Variants in STX11 observed in about 807,000 individuals in gnomAD.
STX11 encodes syntaxin 11, also known as syntaxin-11.
In STX11, 21 loss-of-function variants were observed where a neutral mutation model predicts 19.9. The observed-to-expected ratio is 1.06, with a 90% CI of 0.75 to 1.52. The LOEUF (loss-of-function observed/expected upper bound fraction) is 1.52, where lower values mean the gene tolerates loss of function less well. Ranked by LOEUF, STX11 falls within the 40% of genes most tolerant of loss-of-function variation. The pLI is 0.00. For synonymous variants in STX11, 193 were observed against 174.4 expected, an observed-to-expected ratio of 1.11 and a Z score of -0.84; for missense variants, 438 against 405.9, an observed-to-expected ratio of 1.08 and a Z score of -0.68.
chr6:144,160,018 T>G lies in STX11; in HGVS notation c.-6+9315T>G, dbSNP rs1410416256. Among the ~76,000 whole-genome samples, 1 of 152,110 alleles carries G rather than the reference T, an allele frequency of 6.6e-6. No individual in the cohort carries two copies. Among genetic ancestry groups the G allele is most frequent in the Non-Finnish European group, 1.5e-5 (1 of 68,006 alleles). ...CCAGTTCTTGTTTTTTAAAAAAATATTATGATTTTTGAGAGACTCTGTCGC... is the reference window on the plus strand; with the variant it reads ...CCAGTTCTTGTTTTTTAAAAAAATAGTATGATTTTTGAGAGACTCTGTCGC... On this transcript the variant is annotated intron_variant, in intron 1 of 1. Coordinates refer to ENST00000367568, the MANE Select transcript of STX11 (RefSeq NM_003764.4). The surrounding 1 kb of genome is among the most constrained non-coding windows in gnomAD (Gnocchi z 4.3).
rs536784050 is a variant in STX11, at chr6:144,159,781, G to A, written c.-6+9078G>A. Among the ~76,000 whole-genome samples the A allele has an allele frequency of 2.0e-5, 3 of 152,130 alleles. No homozygotes were observed. The highest frequency in any genetic ancestry group is 1.9e-4 in the East Asian group (1 of 5,188). On this transcript the variant is annotated intron_variant, in intron 1 of 1. Coordinates refer to ENST00000367568, the MANE Select transcript of STX11 (RefSeq NM_003764.4). This position sits in a 1 kb window ranked among gnomAD's most constrained non-coding sequence, Gnocchi z 4.3. ...TTAATCTCAAGGATCTGATTACTACGGCCTAGGAGGGTGCTTGACAGATTT... is the reference window on the plus strand; with the variant it reads ...TTAATCTCAAGGATCTGATTACTACAGCCTAGGAGGGTGCTTGACAGATTT...
chr6:144,151,495 C>T lies in STX11; in HGVS notation c.-6+792C>T. On this transcript the variant is annotated intron_variant, in intron 1 of 1. Coordinates refer to ENST00000367568, the MANE Select transcript of STX11 (RefSeq NM_003764.4). The surrounding 1 kb of genome is among the most constrained non-coding windows in gnomAD (Gnocchi z 4.6). The stretch of plus-strand genomic sequence containing the variant: ...AAGCGAGGCTTGCTTTAAAATGAGA[C>T]TCTAGATGTGAAATGCCTGCCCTGC... The T allele has an allele frequency of 1.1e-6, 1 of 939,702 alleles. No individual in the cohort carries two copies. The highest frequency in any genetic ancestry group is 1.3e-6 in the Non-Finnish European group (1 of 788,262). 58.2% of individuals were successfully genotyped at this position (939,702 alleles called of 1,614,324 possible).
Position 144,167,290 on chromosome 6 carries a change from G to A in STX11, c.-6+16587G>A, listed in dbSNP as rs1228117798. 1.4e-4 allele frequency among the ~76,000 whole-genome samples: 22 copies of A among 152,068 alleles called. No homozygotes were observed. The highest frequency in any genetic ancestry group is 3.2e-4 in the Non-Finnish European group (22 of 68,006). On this transcript the variant is annotated intron_variant, in intron 1 of 1. Coordinates refer to ENST00000367568, the MANE Select transcript of STX11 (RefSeq NM_003764.4). The surrounding 1 kb of genome is among the most constrained non-coding windows in gnomAD (Gnocchi z 5.0). ...GAGTATTTCTTATCTGAAATGCTTG[G>A]TACTAGAAGTGTTTTGGATTTCAGA...
Position 144,169,668 on chromosome 6 carries a change from CCTT to C in STX11, c.-5-16953_-5-16951del, listed in dbSNP as rs1801576585. Among the ~76,000 whole-genome samples, 1 of 139,722 alleles carries C rather than the reference CCTT, an allele frequency of 7.2e-6. No individual in the cohort carries two copies. Among genetic ancestry groups the C allele is most frequent in the East Asian group, 2.5e-4 (1 of 4,058 alleles). 91.7% of individuals were successfully genotyped at this position (139,722 alleles called of 152,430 possible). A position where few individuals can be genotyped will look rare whatever the true frequency, so the allele number is the denominator to read the frequency against. Reference sequence around the variant, plus strand: ...TTTCTTTTCCCTCCCTCCCTCCCTTCCTTCCTTCCTTCCTTCCTTCTTTCTTTC... The same window carrying C: ...TTTCTTTTCCCTCCCTCCCTCCCTTCCCTTCCTTCCTTCCTTCTTTCTTTC... On this transcript the variant is annotated intron_variant, in intron 1 of 1. Coordinates refer to ENST00000367568, the MANE Select transcript of STX11 (RefSeq NM_003764.4). This position sits in a 1 kb window ranked among gnomAD's most constrained non-coding sequence, Gnocchi z 5.2.
At chr6:144,161,884 C>G (rs1295722203) in intron 1 of STX11, among the ~76,000 whole-genome samples, 21 of 152,168 alleles carry the variant, frequency 1.4e-4, no homozygotes, top group Non-Finnish European at 2.9e-5. Context: ...TATCTTTACT[C>G]TGTTATTTTT....
chr6:144,191,196 C>G lies in STX11; in HGVS notation c.*3705C>G, dbSNP rs539160664. On this transcript the variant is annotated 3_prime_UTR_variant, in exon 2 of 2. Coordinates refer to ENST00000367568, the MANE Select transcript of STX11 (RefSeq NM_003764.4). ...GCCAAATATCAAATTTTACAACTAC[C>G]ACCAAGCCACAGATTATAGGTGGTA... 1.1e-4 allele frequency among the ~76,000 whole-genome samples: 17 copies of G among 149,512 alleles called. No homozygotes were observed. The South Asian group carries it at 1.3e-3, about 12-fold the overall frequency.
chr6:144,155,679 G>A lies in STX11; in HGVS notation c.-6+4976G>A, dbSNP rs1801117388. ...AGAGAAGAGAATAGCTAGAGTTGGGGGCTCTGTTAAGCCACCTCTAAGGCT... is the reference window on the plus strand; with the variant it reads ...AGAGAAGAGAATAGCTAGAGTTGGGAGCTCTGTTAAGCCACCTCTAAGGCT... On this transcript the variant is annotated intron_variant, in intron 1 of 1. Coordinates refer to ENST00000367568, the MANE Select transcript of STX11 (RefSeq NM_003764.4). The surrounding 1 kb of genome is among the most constrained non-coding windows in gnomAD (Gnocchi z 4.5). Among the ~76,000 whole-genome samples the A allele has an allele frequency of 6.6e-6, 1 of 152,086 alleles. No individual in the cohort carries two copies. The highest frequency in any genetic ancestry group is 2.4e-5 in the African/African-American group (1 of 41,394).
chr6:144,143,203 T>G, the STX11 span, among the ~76,000 whole-genome samples: 2 of 152,210 alleles, frequency 1.3e-5, no homozygotes, highest in African/African-American at 4.8e-5. Context: ...TACAGTCTGG[T>G]TTCTCCATAA....
rs1801381745 is a variant in STX11 at position 144,163,000 on chromosome 6, G to T, written c.-6+12297G>T. Among the ~76,000 whole-genome samples the T allele has an allele frequency of 6.6e-6, 1 of 152,150 alleles. No individual in the cohort carries two copies. On this transcript the variant is annotated intron_variant, in intron 1 of 1. Transcript: ENST00000367568. The surrounding 1 kb of genome is among the most constrained non-coding windows in gnomAD (Gnocchi z 4.6). ...CTAGGAGTCCCATACAGGCTTATTCGATTCTGCATCCTTATTTAAACACTA... is the reference window on the plus strand; with the variant it reads ...CTAGGAGTCCCATACAGGCTTATTCTATTCTGCATCCTTATTTAAACACTA...
upstream of STX11, chr6:144,150,469 C>G (rs1800970271): frequency 1.1e-5 from 11 of 982,842 alleles, no homozygotes; most frequent in African/African-American, 1.8e-5. Flanking sequence ...GGCCTGGTCC[C>G]CAGCTGTGGT....
rs772017762 is a variant in STX11, at chr6:144,174,681, C to T, written c.-5-11942C>T. On this transcript the variant is annotated intron_variant, in intron 1 of 1. Transcript: ENST00000367568. The surrounding 1 kb of genome is among the most constrained non-coding windows in gnomAD (Gnocchi z 5.3). ...TGCCTGGCCAGAAAAGTTTTTTTTG[C>T]ACCCTTTCACAAAGAGTATGTACAA... Among the ~76,000 whole-genome samples, 10 of 152,088 alleles carry T rather than the reference C, an allele frequency of 6.6e-5. No homozygotes were observed. Among genetic ancestry groups the T allele is most frequent in the African/African-American group, 9.7e-5 (4 of 41,426 alleles).
At chr6:144,145,049 A>G in the STX11 span, among the ~76,000 whole-genome samples, 1 of 143,908 alleles carries the variant, frequency 6.9e-6, no homozygotes, top group Admixed American at 6.9e-5. Flanking sequence ...TTCTGGGTAT[A>G]TACCCCCCAA....
rs1401512792 is a variant in STX11 at position 144,152,069 on chromosome 6, G to A, written c.-6+1366G>A. On this transcript the variant is annotated intron_variant, in intron 1 of 1. Transcript: ENST00000367568. The surrounding 1 kb of genome is among the most constrained non-coding windows in gnomAD (Gnocchi z 4.9). ...AACCATGAATAATAGGATCCTGCCG[G>A]CAAGGTACTAGGGTAAATCTATACC... Among the ~76,000 whole-genome samples the A allele has an allele frequency of 1.3e-5, 2 of 152,058 alleles. No homozygotes were observed. The highest frequency in any genetic ancestry group is 2.9e-5 in the Non-Finnish European group (2 of 68,002).
the STX11 span, among the ~76,000 whole-genome samples, chr6:144,144,011 C>G: frequency 1.3e-5 from 2 of 152,118 alleles, no homozygotes; most frequent in Non-Finnish European, 2.9e-5. Flanking sequence ...ACAGATATTC[C>G]TAGGTCTTGT....
chr6:144,150,709 T>C lies in STX11; in HGVS notation c.-6+6T>C, dbSNP rs1041468945. 2 of 985,008 alleles carry C rather than the reference T, an allele frequency of 2.0e-6. No homozygotes were observed. The highest frequency in any genetic ancestry group is 2.4e-6 in the Non-Finnish European group (2 of 829,800). The allele number at this position is 985,008 out of a possible 1,614,324, so 61.0% of individuals were successfully genotyped here. On this transcript the variant is annotated splice_donor_region_variant and intron_variant, in intron 1 of 1. Transcript: ENST00000367568. ...CACTCTCGCTCCCAGTCCAGGTTTG[T>C]TTTTCTCTTCCTGAGCCCCCATTTC...
rs916628478 is a variant in STX11, at chr6:144,190,840, C to T, written c.*3349C>T. Among the ~76,000 whole-genome samples, 8 of 152,170 alleles carry T rather than the reference C, an allele frequency of 5.3e-5. No homozygotes were observed. The highest frequency in any genetic ancestry group is 1.9e-4 in the African/African-American group (8 of 41,436). On this transcript the variant is annotated 3_prime_UTR_variant, in exon 2 of 2. Transcript: ENST00000367568. ...AGAAGGCATCATTTGGCCCACTGCA[C>T]GTCCTGGCCTATTCACCAAAGCCCT...
the STX11 span, among the ~76,000 whole-genome samples, chr6:144,140,256 T>TATATATATATATA: frequency 1.8e-4 from 13 of 74,004 alleles, no homozygotes; most frequent in South Asian, 8.9e-4. Context: ...ATATATATAT[T>TATATATATATATA]TATTTATTTA....
rs1802198262 is a variant in STX11, at chr6:144,191,107, T to C, written c.*3616T>C. Among the ~76,000 whole-genome samples, 1 of 151,708 alleles carries C rather than the reference T, an allele frequency of 6.6e-6. No individual in the cohort carries two copies. Among genetic ancestry groups the C allele is most frequent in the Non-Finnish European group, 1.5e-5 (1 of 67,972 alleles). On this transcript the variant is annotated 3_prime_UTR_variant, in exon 2 of 2. Coordinates refer to ENST00000367568, the MANE Select transcript of STX11 (RefSeq NM_003764.4). ...CAAATCACAAAGAACAATAGATCCT[T>C]CAGGAGCTGAAGGTAAGAATCTTTT...
At chr6:144,140,076 C>T in the STX11 span, among the ~76,000 whole-genome samples, 3 of 151,152 alleles carry the variant, frequency 2.0e-5, no homozygotes, top group East Asian at 1.9e-4. Flanking sequence ...CAGGAACATC[C>T]GTCAGCTTCT....
Sources: allele counts gnomAD v4.1 joint callset (sites outside exome capture counted in the v4.1 genomes callset), GRCh38; gene constraint gnomAD v4.1.1; non-coding constraint Gnocchi (gnomAD v3.1); transcripts MANE v1.5; gene names NCBI Gene and HGNC (gene_info 2026-07-23, HGNC 2026-07-21).